MPRIP: variants seen among roughly 807,000 people sequenced by gnomAD.
MPRIP encodes the protein myosin phosphatase Rho-interacting protein.
In MPRIP, 59 loss-of-function variants were observed where a neutral mutation model predicts 234.9. That is an observed-to-expected ratio of 0.25 (90% CI 0.20 to 0.31). The LOEUF (loss-of-function observed/expected upper bound fraction) is 0.31, where lower values mean the gene tolerates loss of function less well. Among genes scored for constraint, MPRIP ranks in the 10% least tolerant of loss-of-function variants. The pLI is 1.00. For missense variants in MPRIP, 2,436 were observed against 3,071.0 expected (o/e 0.79, Z 4.89); for synonymous variants, 1,144 against 1,263.9 (o/e 0.91, Z 2.01).
intron 1 of MPRIP, among the ~76,000 whole-genome samples, chr17:17,074,497 T>C (rs1348653693): frequency 6.6e-6 from 1 of 152,252 alleles, no homozygotes; most frequent in Non-Finnish European, 1.5e-5. Flanking sequence ...ATAATTCACA[T>C]ATCTTAAGAT....
At chr17:17,043,450 C>T (rs1004329750) in intron 1 of MPRIP, among the ~76,000 whole-genome samples, 2 of 152,066 alleles carry the variant, frequency 1.3e-5, no homozygotes, top group African/African-American at 4.8e-5. Context: ...AAGGGGTGTC[C>T]AAATCTGGCG....
At chr17:17,175,158 G>A in intron 19 of MPRIP, 135 bp from the exon 20 acceptor site, 1 of 1,273,504 alleles carries the variant, frequency 7.9e-7, no homozygotes, top group Non-Finnish European at 1.1e-6. Context: ...AAGGAATTAA[G>A]GGTTATCGAT....
intron 2 of MPRIP, among the ~76,000 whole-genome samples, chr17:17,076,870 G>T (rs2089341664): frequency 6.6e-6 from 1 of 150,456 alleles, no homozygotes; most frequent in African/African-American, 2.4e-5. Context: ...GCAGAGAGAT[G>T]TGCTTTTATA....
intron 3 of MPRIP, among the ~76,000 whole-genome samples, chr17:17,102,147 C>G (rs894922191): frequency 1.3e-5 from 2 of 152,120 alleles, no homozygotes; most frequent in African/African-American, 4.8e-5. Context: ...CTCGGCCTCC[C>G]AAAACGCTGG....
intron 1 of MPRIP, among the ~76,000 whole-genome samples, chr17:17,069,861 A>G (rs2089152083): frequency 6.6e-6 from 1 of 151,860 alleles, no homozygotes; most frequent in South Asian, 2.1e-4. Context: ...TCTTCCTTTC[A>G]GATGTTCCAG....
At chr17:17,140,103 T>G (rs2090781960) in intron 7 of MPRIP, among the ~76,000 whole-genome samples, 1 of 152,162 alleles carries the variant, frequency 6.6e-6, no homozygotes, top group Admixed American at 6.5e-5. Flanking sequence ...GTAAAGGGTT[T>G]TGCTAGAGAG....
chr17:17,138,901 G>A lies in MPRIP; in HGVS notation c.1250+472G>A, dbSNP rs1161138723. 1.3e-5 allele frequency among the ~76,000 whole-genome samples: 2 copies of A among 152,226 alleles called. No homozygotes were observed. The highest frequency in any genetic ancestry group is 2.4e-5 in the African/African-American group (1 of 41,464). On this transcript the variant is annotated intron_variant, in intron 7 of 23. Coordinates refer to ENST00000651222, the MANE Select transcript of MPRIP (RefSeq NM_001364716.4). This position sits in a 1 kb window ranked among gnomAD's most constrained non-coding sequence, Gnocchi z 5.8. The stretch of plus-strand genomic sequence containing the variant: ...CAGACAGGCATGCCCAGGAAGGTGG[G>A]GGCAGCACAGGTTCCTCTCTCAAGG...
At chr17:17,077,861 G>T in intron 2 of MPRIP, 150 bp from the exon 3 acceptor site, 1 of 723,788 alleles carries the variant, frequency 1.4e-6, no homozygotes, top group Non-Finnish European at 2.4e-6. Context: ...TGTGCCTCGG[G>T]TCCCTCTTTT....
intron 3 of MPRIP, among the ~76,000 whole-genome samples, chr17:17,117,649 T>C (rs1232941905): frequency 6.6e-6 from 1 of 152,260 alleles, no homozygotes; most frequent in Non-Finnish European, 1.5e-5. Flanking sequence ...CTTTTGGCTA[T>C]CGCGAATTAT....
intron 4 of MPRIP, 42 bp from the exon 5 acceptor site, chr17:17,131,575 G>A (rs200386200): frequency 6.4e-6 from 10 of 1,556,692 alleles, no homozygotes; most frequent in South Asian, 1.1e-5. Context: ...GTCCCCGAGT[G>A]CCAGGGTCTT....
At chr17:17,077,164 C>T (rs911652804) in intron 2 of MPRIP, 2 of 151,962 alleles carry the variant, frequency 1.3e-5, no homozygotes. Context: ...CTGGATTGGG[C>T]TTGTTGAAAT....
chr17:17,073,357 G>A (rs572229727), intron 1 of MPRIP, among the ~76,000 whole-genome samples: 4 of 152,340 alleles, frequency 2.6e-5, no homozygotes, highest in Non-Finnish European at 4.4e-5. Flanking sequence ...ATGCACACGG[G>A]GTTCCTGAGC....
At position 17,186,785 on chromosome 17, in the gene MPRIP, A is replaced by G. The variant is rs77103270; in HGVS notation, c.*1891A>G. ...TTGGCAGTGCTTTGAGAAATGCACTATGACCTTTCTGTGTCAATGGGAATA... is the reference window on the plus strand; with the variant it reads ...TTGGCAGTGCTTTGAGAAATGCACTGTGACCTTTCTGTGTCAATGGGAATA... On this transcript the variant is annotated 3_prime_UTR_variant, in exon 24 of 24. Coordinates refer to ENST00000651222, the MANE Select transcript of MPRIP (RefSeq NM_001364716.4). 6,483 of 152,310 alleles carry G rather than the reference A, an allele frequency of 0.043. 241 individuals are homozygous for G. The highest frequency in any genetic ancestry group is 0.16 in the East Asian group (827 of 5,170). The allele number at this position is 152,310 out of a possible 1,614,324, so 9.4% of individuals were successfully genotyped here.
intron 21 of MPRIP, among the ~76,000 whole-genome samples, chr17:17,176,857 C>T (rs1401897444): frequency 6.6e-6 from 1 of 152,220 alleles, no homozygotes; most frequent in Non-Finnish European, 1.5e-5. Flanking sequence ...CCAGGGACTC[C>T]TGGAGTCAGG....
At chr17:17,055,207 A>G (rs1442206630) in intron 1 of MPRIP, among the ~76,000 whole-genome samples, 2 of 152,098 alleles carry the variant, frequency 1.3e-5, no homozygotes, top group African/African-American at 4.8e-5. Context: ...TCCCAATTTT[A>G]GGAATTTCTT....
intron 16 of MPRIP, chr17:17,168,281 G>T: frequency 3.6e-6 from 1 of 275,126 alleles, no homozygotes; most frequent in South Asian, 3.8e-5. Context: ...CGGGAACCCC[G>T]TCTGGCCCAG....
rs535085522 is a variant in MPRIP at position 17,137,801 on chromosome 17, C to T, written c.737-115C>T. The T allele has an allele frequency of 1.4e-4, 113 of 810,680 alleles. No individual in the cohort carries two copies. In the East Asian group the frequency reaches 3.0e-3, roughly 21 times the overall value. The allele number at this position is 810,680 out of a possible 1,614,324, so 50.2% of individuals were successfully genotyped here. A position where few individuals can be genotyped will look rare whatever the true frequency, so the allele number is the denominator to read the frequency against. ...AGTGGGGTGTGCTGGATGTTAGAGA[C>T]GGGAGGTGGAGAAGGCCCCTGCTTG... On this transcript the variant is annotated intron_variant, in intron 6 of 23. Transcript: ENST00000651222.
rs61129242 is a variant in MPRIP, at chr17:17,150,138, C to CG, written c.1630-4dup. The CG allele has an allele frequency of 1.4e-3, 2,197 of 1,612,182 alleles. 13 individuals carry two copies. In the African/African-American group the frequency reaches 0.02, roughly 14 times the overall value. ...AATCTCAAGACATTCTCACTTCCCT[C>CG]GGCAGGCAGCCGACTTGGATGGAGA... On this transcript the variant is annotated splice_region_variant and splice_polypyrimidine_tract_variant and intron_variant, in intron 11 of 23. Coordinates refer to ENST00000651222, the MANE Select transcript of MPRIP (RefSeq NM_001364716.4).
chr17:17,179,620 TAGAC>T (rs1218722478), intron 22 of MPRIP: 1 of 175,326 alleles, frequency 5.7e-6, no homozygotes, highest in Non-Finnish European at 1.2e-5. Flanking sequence ...CATCTTGCTT[TAGAC>T]AGCCCTGTGC....
Sources: gnomAD v4.1 joint callset for allele counts (sites outside exome capture counted in the v4.1 genomes callset) on GRCh38, gnomAD v4.1.1 for gene constraint, Gnocchi (gnomAD v3.1) non-coding constraint, MANE v1.5 for transcripts, NCBI Gene and HGNC (gene_info 2026-07-23, HGNC 2026-07-21) for gene names.